DLG2: variants seen among roughly 807,000 people sequenced by gnomAD.
DLG2 encodes discs large MAGUK scaffold protein 2.
DLG2 carries 45 observed loss-of-function variants against 132.5 expected under a neutral mutation model. The observed-to-expected ratio is 0.34, with a 90% confidence interval of 0.27 to 0.44. DLG2 has a LOEUF of 0.44. DLG2 is among the 20% of genes least tolerant of loss of function. DLG2 has a pLI of 1.00. For missense variants in DLG2, 1,045 were observed against 1,196.9 expected (o/e 0.87, Z 1.87); for synonymous variants, 424 against 419.6 (o/e 1.01, Z -0.13).
chr11:85,287,352 G>C lies in DLG2; in HGVS notation c.41-1987C>G, dbSNP rs113736833. 2.0e-3 allele frequency among the ~76,000 whole-genome samples: 297 copies of C among 151,970 alleles called. 4 individuals are homozygous for C. The highest frequency in any genetic ancestry group is 6.8e-3 in the African/African-American group (282 of 41,448). ...ACAAGCAAACTAAAAGAAAAGAATT[G>C]GTAAAAGTTATGAGCAGGCATTTCA... is the stretch of plus-strand genomic sequence containing the variant. On this transcript the variant is annotated intron_variant, in intron 3 of 27. Coordinates refer to ENST00000376104, the MANE Select transcript of DLG2 (RefSeq NM_001142699.3).
rs58017745 is a variant in DLG2, at chr11:84,729,512, T to A, written c.358-194781A>T. ...TTTACTTCCAATTATGTGGTTAATT[T>A]TAGAATAAGTGTAATGAGGTGCTGA... On this transcript the variant is annotated intron_variant, in intron 6 of 27. Coordinates refer to ENST00000376104, the MANE Select transcript of DLG2 (RefSeq NM_001142699.3). 6.9e-3 allele frequency among the ~76,000 whole-genome samples: 1,055 copies of A among 152,250 alleles called. 13 individuals are homozygous for A. Among genetic ancestry groups the A allele is most frequent in the African/African-American group, 0.023 (957 of 41,540 alleles).
At chr11:84,658,649 A>C (rs905137155) in intron 6 of DLG2, among the ~76,000 whole-genome samples, 4 of 152,108 alleles carry the variant, frequency 2.6e-5, no homozygotes, top group Admixed American at 2.0e-4. Flanking sequence ...TAGTTCATAC[A>C]AGAGTTGGTT....
chr11:83,736,732 TAAGAAG>T (rs369106344), intron 18 of DLG2, among the ~76,000 whole-genome samples: 1 of 151,770 alleles, frequency 6.6e-6, no homozygotes, highest in African/African-American at 2.4e-5. Flanking sequence ...CCCTAAAGAA[TAAGAAG>T]AAGAAGAAAA....
chr11:84,552,428 T>C (rs1347656599), intron 6 of DLG2, among the ~76,000 whole-genome samples: 1 of 152,172 alleles, frequency 6.6e-6, no homozygotes, highest in Non-Finnish European at 1.5e-5. Context: ...TTTGCACTTG[T>C]TACCTTCCAC....
At position 85,464,007 on chromosome 11, in the gene DLG2, C is replaced by CACACACACACACAT. The variant is rs764756077; in HGVS notation, c.40+134649_40+134650insATGTGTGTGTGTGT. ...ATACATGTACACACACACACACATA[C>CACACACACACACAT]ACACACACACACACACGCCCCCCGA... On this transcript the variant is annotated intron_variant, in intron 3 of 27. Transcript: ENST00000376104. Among the ~76,000 whole-genome samples, 612 of 149,074 alleles carry CACACACACACACAT rather than the reference C, an allele frequency of 4.1e-3. 7 individuals carry two copies. The highest frequency in any genetic ancestry group is 7.6e-3 in the Non-Finnish European group (510 of 67,070).
At chr11:83,663,193 G>A (rs547331863) in intron 18 of DLG2, among the ~76,000 whole-genome samples, 1 of 152,282 alleles carries the variant, frequency 6.6e-6, no homozygotes, top group South Asian at 2.1e-4. Context: ...CTGCCTTACA[G>A]TTGTGGAATT....
chr11:84,856,490 A>C (rs1330735890), intron 6 of DLG2, among the ~76,000 whole-genome samples: 2 of 152,120 alleles, frequency 1.3e-5, no homozygotes. Context: ...ATAAACTACC[A>C]CTGTGTTACC....
At chr11:85,440,753 A>T (rs71482583) in intron 3 of DLG2, among the ~76,000 whole-genome samples, 2,177 of 152,300 alleles carry the variant, frequency 0.014, 27 homozygotes, top group Non-Finnish European at 0.025. Context: ...AAGAAGAAAG[A>T]CTAGGCTCTT....
chr11:83,490,193 T>G (rs1205965580), intron 21 of DLG2, among the ~76,000 whole-genome samples: 3 of 151,196 alleles, frequency 2.0e-5, no homozygotes, highest in Admixed American at 1.3e-4. Context: ...GTAAGCAGTA[T>G]TAAATATAAA....
Position 84,877,451 on chromosome 11 carries a change from T to C in DLG2, c.357+234210A>G, listed in dbSNP as rs147446414. ...TACCATTATGTAATGCCCTTCTTTG[T>C]CTTTTTTGATATTTGTTGGTTTAAA... On this transcript the variant is annotated intron_variant, in intron 6 of 27. Coordinates refer to ENST00000376104, the MANE Select transcript of DLG2 (RefSeq NM_001142699.3). 9.9e-5 allele frequency among the ~76,000 whole-genome samples: 15 copies of C among 151,948 alleles called. No individual in the cohort carries two copies. The East Asian group carries it at 2.9e-3, about 29-fold the overall frequency.
chr11:85,536,929 G>A (rs7108137), intron 3 of DLG2, among the ~76,000 whole-genome samples: 26,213 of 152,130 alleles, frequency 0.17, 2,964 homozygotes, highest in African/African-American at 0.3. Flanking sequence ...CCAGTGAGAG[G>A]TGAAGCTGAT....
chr11:83,881,361 T>C (rs892051940), intron 15 of DLG2, among the ~76,000 whole-genome samples: 6 of 152,226 alleles, frequency 3.9e-5, no homozygotes, highest in Non-Finnish European at 7.3e-5. Flanking sequence ...AGTTACCACA[T>C]GTTAAATTTA....
chr11:84,640,045 T>C, intron 6 of DLG2: 1 of 281,218 alleles, frequency 3.6e-6, no homozygotes, highest in Non-Finnish European at 6.7e-6. Flanking sequence ...AATGTCAACG[T>C]TACTCTGAAG....
At chr11:85,284,096 C>CATA (rs1191368983) in intron 4 of DLG2, among the ~76,000 whole-genome samples, 1 of 151,772 alleles carries the variant, frequency 6.6e-6, no homozygotes, top group African/African-American at 2.4e-5. Context: ...ATGTAAAAGA[C>CATA]ATAAAATGCC....
chr11:83,488,545 A>ATCTT (rs2093660591), intron 21 of DLG2, among the ~76,000 whole-genome samples: 1 of 152,130 alleles, frequency 6.6e-6, no homozygotes, highest in Admixed American at 6.6e-5. Context: ...GACATATTTT[A>ATCTT]TCTTTCTCAT....
intron 6 of DLG2, among the ~76,000 whole-genome samples, chr11:84,692,263 A>G (rs1377977143): frequency 1.3e-5 from 2 of 151,848 alleles, no homozygotes; most frequent in Admixed American, 6.6e-5. Flanking sequence ...TAAATTTAGC[A>G]TGGTATGCTA....
At chr11:83,489,594 T>C (rs952482718) in intron 21 of DLG2, among the ~76,000 whole-genome samples, 3 of 152,028 alleles carry the variant, frequency 2.0e-5, no homozygotes, top group Admixed American at 1.3e-4. Flanking sequence ...TCAATTTTTA[T>C]GTGTAATAAC....
At chr11:84,014,370 T>C (rs1796553080) in intron 11 of DLG2, among the ~76,000 whole-genome samples, 1 of 152,176 alleles carries the variant, frequency 6.6e-6, no homozygotes, top group African/African-American at 2.4e-5. Flanking sequence ...TCCCAATGTC[T>C]TTTATTATCA....
At chr11:84,993,179 A>G (rs978592604) in intron 6 of DLG2, among the ~76,000 whole-genome samples, 1 of 152,146 alleles carries the variant, frequency 6.6e-6, no homozygotes, top group African/African-American at 2.4e-5. Flanking sequence ...ACCAAATACC[A>G]CACATTCTCA....
Sources: allele counts gnomAD v4.1 joint callset (sites outside exome capture counted in the v4.1 genomes callset), GRCh38; gene constraint gnomAD v4.1.1; transcripts MANE v1.5; gene names NCBI Gene and HGNC (gene_info 2026-07-23, HGNC 2026-07-21).